Variants in FH observed in about 807,000 individuals in gnomAD.
FH encodes fumarate hydratase, also known as fumarate hydratase, mitochondrial.
Under a neutral mutation model 49.4 loss-of-function variants are expected in FH, and 22 were observed. That is an observed-to-expected ratio of 0.45 (90% CI 0.32 to 0.64). The LOEUF (loss-of-function observed/expected upper bound fraction) is 0.64. FH is among the 30% of genes least tolerant of loss of function. FH has a pLI of 0.05. For synonymous variants in FH, 208 were observed against 223.0 expected, an observed-to-expected ratio of 0.93 and a Z score of 0.60; for missense variants, 526 against 641.5, an observed-to-expected ratio of 0.82 and a Z score of 1.95.
chr1:241,515,057 G>T (rs1427274078), intron 2 of FH, among the ~76,000 whole-genome samples: 1 of 152,204 alleles, frequency 6.6e-6, no homozygotes, highest in Non-Finnish European at 1.5e-5. Context: ...TGTATCACTA[G>T]AGAGAAAAGA....
At chr1:241,518,042 C>T (rs1660265996) in intron 1 of FH, among the ~76,000 whole-genome samples, 1 of 152,130 alleles carries the variant, frequency 6.6e-6, no homozygotes, top group Non-Finnish European at 1.5e-5. Context: ...TTTACAGGGC[C>T]TGGTAAGTGG....
At chr1:241,518,588 G>A (rs1660282630) in intron 1 of FH, among the ~76,000 whole-genome samples, 1 of 152,146 alleles carries the variant, frequency 6.6e-6, no homozygotes, top group Non-Finnish European at 1.5e-5. Context: ...TATTTAATGA[G>A]CACTCGCTAC....
intron 5 of FH, among the ~76,000 whole-genome samples, chr1:241,508,103 C>T (rs555140583): frequency 6.6e-6 from 1 of 152,112 alleles, no homozygotes; most frequent in East Asian, 1.9e-4. Context: ...TTTAAATAAC[C>T]TACTAATTTA....
intron 9 of FH, among the ~76,000 whole-genome samples, chr1:241,498,694 CATATATATATATATATATATAT>C (rs56361117): frequency 0.051 from 2,739 of 53,224 alleles, 303 homozygotes; most frequent in East Asian, 0.17. Context: ...GCTGTCTTAA[CATATATATATATATATATATAT>C]ATATATATAT....
At chr1:241,513,192 C>A (rs1660134274) in intron 3 of FH, among the ~76,000 whole-genome samples, 1 of 151,970 alleles carries the variant, frequency 6.6e-6, no homozygotes, top group African/African-American at 2.4e-5. Context: ...ATATACAGTT[C>A]TGTTACCTCT....
intron 1 of FH, among the ~76,000 whole-genome samples, chr1:241,517,675 C>A (rs1006097454): frequency 2.0e-5 from 3 of 152,054 alleles, no homozygotes; most frequent in Non-Finnish European, 2.9e-5. Context: ...TTACTGGGAA[C>A]TTTTGAAAAC....
At chr1:241,512,231 A>G in intron 3 of FH, 88 bp from the exon 4 acceptor site, 1 of 1,164,270 alleles carries the variant, frequency 8.6e-7, no homozygotes, top group East Asian at 2.4e-5. Context: ...TGACCCACAT[A>G]TCTAAGCTTC....
At chr1:241,504,302 A>G in intron 6 of FH, 57 bp from the exon 7 acceptor site, 1 of 1,494,548 alleles carries the variant, frequency 6.7e-7, no homozygotes, top group Non-Finnish European at 9.3e-7. Context: ...ACATTTTTCT[A>G]CCATTAGCAA....
rs2147915055 is a variant in FH at position 241,502,578 on chromosome 1, A to G, written c.1109-8T>C. 1 of 1,614,084 alleles carries G rather than the reference A, an allele frequency of 6.2e-7. No individual in the cohort carries two copies. Among genetic ancestry groups the G allele is most frequent in the South Asian group, 1.1e-5 (1 of 91,084 alleles). ...GAGTAGGGTTCACCTTGCCTTCAAG[A>G]AAACCACCAATGACAGAGTAAAGAC... On this transcript the variant is annotated splice_region_variant and splice_polypyrimidine_tract_variant and intron_variant, in intron 7 of 9. Coordinates refer to ENST00000366560, the MANE Select transcript of FH (RefSeq NM_000143.4).
intron 1 of FH, chr1:241,519,203 C>T (rs1660299407): frequency 1.8e-5 from 4 of 222,116 alleles, no homozygotes; most frequent in Non-Finnish European, 3.6e-5. Flanking sequence ...CTCCCAGCAC[C>T]CTCCGCCCAC....
In FH at chr1:241,519,246, G is replaced by C. The variant is rs924746405; in HGVS notation, c.132+345C>G. On this transcript the variant is annotated intron_variant, in intron 1 of 9. Coordinates refer to ENST00000366560, the MANE Select transcript of FH (RefSeq NM_000143.4). Reference sequence around the variant, plus strand: ...CTGTCCTTGAGGGCAGCGCCCCGGGGCTGGGGGCCTGCGCGCCAGCAGCAG... The same window carrying C: ...CTGTCCTTGAGGGCAGCGCCCCGGGCCTGGGGGCCTGCGCGCCAGCAGCAG... 19 of 273,314 alleles carry C rather than the reference G, an allele frequency of 7.0e-5. No homozygotes were observed. The South Asian group carries it at 7.9e-4, about 11-fold the overall frequency. The allele number at this position is 273,314 out of a possible 1,614,324, so 16.9% of individuals were successfully genotyped here. A position where few individuals can be genotyped will look rare whatever the true frequency, so the allele number is the denominator to read the frequency against.
intron 5 of FH, among the ~76,000 whole-genome samples, chr1:241,506,784 A>G (rs1376638910): frequency 3.3e-5 from 5 of 152,212 alleles, no homozygotes; most frequent in Admixed American, 1.3e-4. Flanking sequence ...CAATGTGCCA[A>G]TGTCAACACT....
intron 4 of FH, 167 bp downstream of exon 4, chr1:241,511,800 G>A (rs1660090659): frequency 4.7e-6 from 3 of 641,060 alleles, no homozygotes; most frequent in Admixed American, 5.6e-5. Context: ...TTTTTATAAG[G>A]ATTGAAACAT....
intron 5 of FH, among the ~76,000 whole-genome samples, chr1:241,507,036 T>A (rs754098007): frequency 6.6e-6 from 1 of 152,232 alleles, no homozygotes; most frequent in Non-Finnish European, 1.5e-5. Flanking sequence ...TAACTCATTA[T>A]AGGTAGACCT....
At position 241,499,701 on chromosome 1, in the gene FH, T is replaced by C. The variant is rs144087844; in HGVS notation, c.1390+736A>G. ...CTATAACAGAAAGGCAGAAAATATA[T>C]TAACCTCTGCTTAGCAGAAAGGAAG... On this transcript the variant is annotated intron_variant, in intron 9 of 9. Coordinates refer to ENST00000366560, the MANE Select transcript of FH (RefSeq NM_000143.4). Among the ~76,000 whole-genome samples, 229 of 152,300 alleles carry C rather than the reference T, an allele frequency of 1.5e-3. 2 individuals are homozygous for C. Among genetic ancestry groups the C allele is most frequent in the Middle Eastern group, 0.01 (3 of 294 alleles).
chr1:241,505,587 A>G (rs1043371103), intron 6 of FH, among the ~76,000 whole-genome samples: 3 of 152,224 alleles, frequency 2.0e-5, no homozygotes, highest in African/African-American at 7.2e-5. Context: ...CATGGTTCAA[A>G]AAGGTCAATA....
At position 241,512,017 on chromosome 1, in the gene FH, GT is replaced by G. The variant is rs776190273; in HGVS notation, c.504del (p.Glu168AspfsTer34). On this transcript the variant is annotated frameshift_variant, in exon 4 of 10. Transcript: ENST00000366560. LOFTEE classifies it high-confidence loss of function. ...GGATGCACAGGTATCTTGCTGCCAA[GT>G]TCACCTCCTAACATTTCAATTGCTC... ...SNRAIEMLGG[E>X]LGSKIPVHPN... The G allele has an allele frequency of 6.2e-7, 1 of 1,613,798 alleles. No individual in the cohort carries two copies. The highest frequency in any genetic ancestry group is 1.3e-5 in the African/African-American group (1 of 74,904).
intron 7 of FH, among the ~76,000 whole-genome samples, chr1:241,502,802 C>G (rs531975879): frequency 5.9e-5 from 9 of 152,248 alleles, no homozygotes; most frequent in African/African-American, 2.2e-4. Context: ...AGTTCTCCAC[C>G]TTCATGATTT....
chr1:241,509,250 CTTATAA>C (rs978298085), intron 4 of FH, among the ~76,000 whole-genome samples: 2 of 151,912 alleles, frequency 1.3e-5, no homozygotes, highest in Non-Finnish European at 2.9e-5. Flanking sequence ...CTTATAAAAT[CTTATAA>C]TTGAATATCT....
Sources: gnomAD v4.1 joint callset for allele counts (sites outside exome capture counted in the v4.1 genomes callset) on GRCh38, gnomAD v4.1.1 for gene constraint, MANE v1.5 for transcripts, NCBI Gene and HGNC (gene_info 2026-07-23, HGNC 2026-07-21) for gene names.